CHD6: variants seen among roughly 807,000 people sequenced by gnomAD.
CHD6 encodes the protein chromodomain helicase DNA binding protein 6, also known as ATP-dependent chromatin remodeler CHD6.
In CHD6, 50 loss-of-function variants were observed where a neutral mutation model predicts 276.9. That is an observed-to-expected ratio of 0.18 (90% CI 0.14 to 0.23). The LOEUF (loss-of-function observed/expected upper bound fraction) is 0.23. Among genes scored for constraint, CHD6 ranks in the 10% least tolerant of loss-of-function variants. The pLI, the probability that CHD6 is intolerant of heterozygous loss-of-function variation, is 1.00. For synonymous variants in CHD6, 1,173 were observed against 1,229.3 expected (o/e 0.95, Z 0.96); for missense variants, 2,564 against 3,365.8 (o/e 0.76, Z 5.89).
intron 1 of CHD6, among the ~76,000 whole-genome samples, chr20:41,570,964 C>T (rs1204849163): frequency 1.1e-4 from 16 of 152,090 alleles, no homozygotes; most frequent in Admixed American, 1.0e-3. Context: ...GTTACCTACT[C>T]CTGAACAAAT....
At chr20:41,560,284 T>C (rs775760135) in intron 1 of CHD6, among the ~76,000 whole-genome samples, 23 of 152,184 alleles carry the variant, frequency 1.5e-4, no homozygotes, top group Non-Finnish European at 3.2e-4. Flanking sequence ...ATCTGGCCTC[T>C]GGTTCTTGTC....
intron 16 of CHD6, among the ~76,000 whole-genome samples, chr20:41,481,538 TAAG>T (rs1456039752): frequency 6.6e-6 from 1 of 152,018 alleles, no homozygotes; most frequent in African/African-American, 2.4e-5. Context: ...TAGCAAAGAT[TAAG>T]AAGTAAAAAC....
intron 24 of CHD6, among the ~76,000 whole-genome samples, chr20:41,446,239 AT>A (rs2048065129): frequency 6.6e-6 from 1 of 152,160 alleles, no homozygotes; most frequent in Non-Finnish European, 1.5e-5. Flanking sequence ...CTTACGCACC[AT>A]TTAAGACCAA....
At chr20:41,568,120 A>G (rs537814372) in intron 1 of CHD6, among the ~76,000 whole-genome samples, 79 of 152,328 alleles carry the variant, frequency 5.2e-4, no homozygotes, top group African/African-American at 1.7e-3. Flanking sequence ...ATCATTTAAA[A>G]GGACCATATA....
In CHD6 at chr20:41,533,332, C is replaced by G. The variant is rs1224131280; in HGVS notation, c.272G>C (p.Gly91Ala). The change falls in exon 3 of 37, where the codon GGA becomes GCA. Residue 91 changes from glycine (G) to alanine (A), a missense_variant. Physicochemically the swap from Gly to Ala is moderately conservative, Grantham distance 60 (BLOSUM62 0). Transcript: ENST00000373233. ...GMEDSGGGGT[G>A]VKKKRKKKEP... ...CTTTTTCTTCCGTTTCTTCTTCACTCCAGTACCTCCTCCTCCACTGTCCTC... is the reference window on the plus strand; with the variant it reads ...CTTTTTCTTCCGTTTCTTCTTCACTGCAGTACCTCCTCCTCCACTGTCCTC... The G allele has an allele frequency of 3.7e-6, 6 of 1,614,062 alleles. No homozygotes were observed. Among genetic ancestry groups the G allele is most frequent in the Middle Eastern group, 3.3e-4 (2 of 6,062 alleles).
In CHD6 at chr20:41,413,306, G is replaced by C; in HGVS notation, c.7131+18C>G. 1 of 1,560,960 alleles carries C rather than the reference G, an allele frequency of 6.4e-7. No individual in the cohort carries two copies. Among genetic ancestry groups the C allele is most frequent in the African/African-American group, 1.4e-5 (1 of 73,686 alleles). On this transcript the variant is annotated intron_variant, in intron 35 of 36. Transcript: ENST00000373233. ...AGGAAGTAAACAGTGATCTCAGGCA[G>C]TACCAACAAACACTTACTGCCCCAA...
At chr20:41,585,288 G>A (rs1490225788) in intron 1 of CHD6, among the ~76,000 whole-genome samples, 1 of 152,138 alleles carries the variant, frequency 6.6e-6, no homozygotes, top group African/African-American at 2.4e-5. Context: ...CGGATCACCT[G>A]AGGTTGGGAG....
In CHD6 at chr20:41,415,630, G is replaced by A. The variant is rs747588580; in HGVS notation, c.6495C>T (p.Phe2165=). ...CATCCTTTGTGAATACTGGAGCTAA[G>A]AAGCTCTCCTGTGAACACACAAACA... The part of the protein sequence containing the change: ...ALAAQIHKES[F]LAPVFTKDEQ... Residue 2165 remains phenylalanine, a synonymous_variant, in exon 34 of 37, where the codon TTC becomes TTT. Coordinates refer to ENST00000373233, the MANE Select transcript of CHD6 (RefSeq NM_032221.5). 1 of 1,589,562 alleles carries A rather than the reference G, an allele frequency of 6.3e-7. No homozygotes were observed. The highest frequency in any genetic ancestry group is 8.5e-7 in the Non-Finnish European group (1 of 1,170,120).
At chr20:41,504,077 C>CAAAAAAAAAAA (rs1189323419) in intron 5 of CHD6, among the ~76,000 whole-genome samples, 1,000 of 27,080 alleles carry the variant, frequency 0.037, 135 homozygotes, top group African/African-American at 0.061. Flanking sequence ...GACTCTGTCT[C>CAAAAAAAAAAA]AAAAAAAAAA....
At chr20:41,518,485 C>G (rs1361760720) in intron 3 of CHD6, among the ~76,000 whole-genome samples, 1 of 152,084 alleles carries the variant, frequency 6.6e-6, no homozygotes, top group African/African-American at 2.4e-5. Flanking sequence ...AAGCACTTTC[C>G]AAGTCAAGCC....
At chr20:41,456,077 T>C in intron 18 of CHD6, 98 bp from the exon 19 acceptor site, 3 of 1,151,164 alleles carry the variant, frequency 2.6e-6, no homozygotes, top group South Asian at 3.8e-5. Flanking sequence ...AGTTCCTCCA[T>C]GAACTACATG....
At chr20:41,437,210 G>A in intron 27 of CHD6, 64 bp downstream of exon 27, 1 of 1,243,990 alleles carries the variant, frequency 8.0e-7, no homozygotes, top group African/African-American at 1.5e-5. Context: ...TCACTACCAA[G>A]ATAGGGATTT....
chr20:41,539,995 ATT>A (rs954755265), intron 2 of CHD6, among the ~76,000 whole-genome samples: 7 of 152,206 alleles, frequency 4.6e-5, no homozygotes, highest in African/African-American at 1.7e-4. Context: ...TTTTAAAACA[ATT>A]TTTTAAAGTC....
At chr20:41,551,470 C>T in intron 1 of CHD6, 110 bp from the exon 2 acceptor site, 2 of 588,850 alleles carry the variant, frequency 3.4e-6, no homozygotes, top group Non-Finnish European at 6.0e-6. Context: ...GGGATTACTT[C>T]TGCAGAACAT....
intron 3 of CHD6, among the ~76,000 whole-genome samples, chr20:41,521,521 T>C (rs1353180366): frequency 3.3e-5 from 5 of 152,168 alleles, no homozygotes; most frequent in South Asian, 2.1e-4. Context: ...AACACAAGCA[T>C]GTATATGTGC....
intron 34 of CHD6, chr20:41,414,519 C>G (rs1263282223): frequency 5.7e-6 from 1 of 174,942 alleles, no homozygotes; most frequent in Non-Finnish European, 1.2e-5. Flanking sequence ...AGCTCAGAAT[C>G]CAGTAAATGG....
At chr20:41,491,525 C>A (rs1439054128) in intron 11 of CHD6, among the ~76,000 whole-genome samples, 173 bp downstream of exon 11, 1 of 150,932 alleles carries the variant, frequency 6.6e-6, no homozygotes, top group Admixed American at 6.6e-5. Flanking sequence ...GTTGGAGAAA[C>A]AGCTGACAAA....
chr20:41,413,702 G>A (rs557843018), intron 34 of CHD6, 187 bp from the exon 35 acceptor site: 27 of 485,712 alleles, frequency 5.6e-5, no homozygotes, highest in Non-Finnish European at 9.0e-5. Flanking sequence ...TCTTGCAAGT[G>A]ATTTGGTGTT....
chr20:41,590,209 G>A (rs149196032), intron 1 of CHD6, among the ~76,000 whole-genome samples: 1 of 151,972 alleles, frequency 6.6e-6, no homozygotes, highest in Non-Finnish European at 1.5e-5. Context: ...ATACAAATAC[G>A]AATTCAAGAT....
Sources: gnomAD v4.1 joint callset for allele counts (sites outside exome capture counted in the v4.1 genomes callset) on GRCh38, gnomAD v4.1.1 for gene constraint, MANE v1.5 for transcripts, NCBI Gene and HGNC (gene_info 2026-07-23, HGNC 2026-07-21) for gene names.